GALM: variants seen among roughly 807,000 people sequenced by gnomAD.
GALM encodes the protein galactose mutarotase, also known as aldose 1-epimerase.
Under a neutral mutation model 37.4 loss-of-function variants are expected in GALM, and 43 were observed. That is an observed-to-expected ratio of 1.15 (90% CI 0.90 to 1.48). GALM has a LOEUF of 1.48. Ranked by LOEUF, GALM falls within the 40% of genes most tolerant of loss-of-function variation. The probability of loss-of-function intolerance (pLI) is 0.00; values close to 1 mark genes in which losing one functional copy is unlikely to be tolerated. For missense variants in GALM, 456 were observed against 419.1 expected (o/e 1.09, Z -0.77); for synonymous variants, 199 against 170.6 (o/e 1.17, Z -1.30).
At chr2:38,687,035 C>A (rs1027934359) in intron 3 of GALM, among the ~76,000 whole-genome samples, 2 of 152,184 alleles carry the variant, frequency 1.3e-5, no homozygotes, top group Admixed American at 6.5e-5. Flanking sequence ...TGGAACCCAA[C>A]CTTCACACCC....
intron 4 of GALM, among the ~76,000 whole-genome samples, chr2:38,700,258 G>A (rs1183634690): frequency 1.3e-5 from 2 of 152,114 alleles, no homozygotes; most frequent in Non-Finnish European, 2.9e-5. Flanking sequence ...AGCCTAAAGT[G>A]CAGTTTAAAT....
rs1219516280 is a variant in GALM at position 38,706,511 on chromosome 2, CAAA to C, written c.634+16634_634+16636del. Among the ~76,000 whole-genome samples the C allele has an allele frequency of 2.4e-3, 162 of 68,520 alleles. 1 individual carries two copies. Among genetic ancestry groups the C allele is most frequent in the Middle Eastern group, 9.1e-3 (1 of 110 alleles). 45.0% of individuals were successfully genotyped at this position (68,520 alleles called of 152,430 possible). A position where few individuals can be genotyped will look rare whatever the true frequency, so the allele number is the denominator to read the frequency against. ...GCAACATATCGAGACCCCATCTCTA[CAAA>C]AAAAAAAAAAAAAAAATTAGCCAGG... On this transcript the variant is annotated intron_variant, in intron 4 of 6. Coordinates refer to ENST00000272252, the MANE Select transcript of GALM (RefSeq NM_138801.3).
chr2:38,693,893 A>C (rs976829285), intron 4 of GALM, among the ~76,000 whole-genome samples: 1 of 152,228 alleles, frequency 6.6e-6, no homozygotes, highest in Non-Finnish European at 1.5e-5. Flanking sequence ...GTTAGATGTC[A>C]AGAAGGTTTG....
intron 1 of GALM, 120 bp downstream of exon 1, chr2:38,666,471 C>G: frequency 1.4e-6 from 1 of 726,276 alleles, no homozygotes; most frequent in Non-Finnish European, 2.2e-6. Context: ...AGCTTGGGAC[C>G]GTCTGACTTG....
chr2:38,731,860 A>G lies in GALM; in HGVS notation c.902A>G (p.His301Arg). Residue 301 changes from histidine (H) to arginine (R), a missense_variant, in exon 6 of 7, where the codon CAC (histidine) becomes CGC (arginine). Physicochemically the swap from His to Arg is conservative, Grantham distance 29. Transcript: ENST00000272252. ...AAGAATGGAGCTGTCTATCCCAAGCACTCCGGTTTCTGCCTGGAGACTCAG... is the reference window on the plus strand; with the variant it reads ...AAGAATGGAGCTGTCTATCCCAAGCGCTCCGGTTTCTGCCTGGAGACTCAG... Reference protein sequence around the residue: ...KGKNGAVYPKHSGFCLETQNW... With the variant: ...KGKNGAVYPKRSGFCLETQNW... The G allele has an allele frequency of 6.2e-7, 1 of 1,613,932 alleles. No individual in the cohort carries two copies. Among genetic ancestry groups the G allele is most frequent in the Non-Finnish European group, 8.5e-7 (1 of 1,179,982 alleles).
At chr2:38,717,571 T>TA (rs1666294902) in intron 4 of GALM, among the ~76,000 whole-genome samples, 4 of 151,930 alleles carry the variant, frequency 2.6e-5, no homozygotes, top group Admixed American at 6.6e-5. Flanking sequence ...GCTAATTTTT[T>TA]GTATTTTTAG....
intron 1 of GALM, among the ~76,000 whole-genome samples, chr2:38,669,699 C>A (rs1482829001): frequency 2.0e-5 from 3 of 151,920 alleles, no homozygotes; most frequent in African/African-American, 4.8e-5. Context: ...CATGGTGAAA[C>A]CCATCTCTAC....
intron 1 of GALM, among the ~76,000 whole-genome samples, chr2:38,674,402 A>G (rs1572510542): frequency 6.6e-6 from 1 of 151,998 alleles, no homozygotes; most frequent in South Asian, 2.1e-4. Flanking sequence ...GTTGGCCAGG[A>G]TGGTCTCAAT....
chr2:38,719,643 C>T (rs1343370140), intron 4 of GALM, among the ~76,000 whole-genome samples: 4 of 150,992 alleles, frequency 2.6e-5, no homozygotes, highest in African/African-American at 7.3e-5. Context: ...GGTGTGGTGG[C>T]GGGCACCTAT....
chr2:38,708,808 GGGT>G (rs1666095369), intron 4 of GALM, among the ~76,000 whole-genome samples: 1 of 152,044 alleles, frequency 6.6e-6, no homozygotes, highest in Admixed American at 6.6e-5. Flanking sequence ...CAGGGAAGTG[GGGT>G]CAAATAACAG....
rs779993943 is a variant in GALM, at chr2:38,681,486, G to T, written c.552G>T (p.Gln184His). The change falls in exon 3 of 7, where the codon CAG (glutamine) becomes CAT (histidine). Residue 184 changes from glutamine to histidine, a missense_variant and splice_region_variant. Gln to His is a conservative substitution (Grantham distance 24). Coordinates refer to ENST00000272252, the MANE Select transcript of GALM (RefSeq NM_138801.3). ...ATTCTTACTTCAACCTGGCAGGCCAGGTAAGTGAACTTGTTTCTTCTTTCC... is the reference window on the plus strand; with the variant it reads ...ATTCTTACTTCAACCTGGCAGGCCATGTAAGTGAACTTGTTTCTTCTTTCC... ...TNHSYFNLAG[Q>H]ASPNINDHEV... 8 of 1,612,958 alleles carry T rather than the reference G, an allele frequency of 5.0e-6. No individual in the cohort carries two copies. Among genetic ancestry groups the T allele is most frequent in the African/African-American group, 1.3e-5 (1 of 74,896 alleles).
chr2:38,731,981 C>G lies in GALM; in HGVS notation c.951+72C>G. Reference sequence around the variant, plus strand: ...ACACTGTACGACAGAGTTCACTACACTCGAATCAGCTTGTATGATTCAAAA... The same window carrying G: ...ACACTGTACGACAGAGTTCACTACAGTCGAATCAGCTTGTATGATTCAAAA... On this transcript the variant is annotated intron_variant, in intron 6 of 6. Coordinates refer to ENST00000272252, the MANE Select transcript of GALM (RefSeq NM_138801.3). 5.0e-6 allele frequency: 6 copies of G among 1,192,176 alleles called. 1 individual carries two copies. In the South Asian group the frequency reaches 5.3e-5, roughly 11 times the overall value. 73.8% of individuals were successfully genotyped at this position (1,192,176 alleles called of 1,614,324 possible). A position where few individuals can be genotyped will look rare whatever the true frequency, so the allele number is the denominator to read the frequency against.
intron 4 of GALM, among the ~76,000 whole-genome samples, chr2:38,700,966 C>G (rs1216726815): frequency 6.6e-6 from 1 of 152,104 alleles, no homozygotes; most frequent in Non-Finnish European, 1.5e-5. Context: ...GTGGGACTCC[C>G]TTGAGCATTT....
rs184949162 is a variant in GALM at position 38,688,623 on chromosome 2, C to T, written c.553-1190C>T. 2.6e-5 allele frequency among the ~76,000 whole-genome samples: 4 copies of T among 152,264 alleles called. No individual in the cohort carries two copies. The East Asian group carries it at 7.7e-4, about 29-fold the overall frequency. ...AGCATTCACTGAGCAAAAGCCCTCACTTGGTTTCCCTTCCACATCTTCTGG... is the reference window on the plus strand; with the variant it reads ...AGCATTCACTGAGCAAAAGCCCTCATTTGGTTTCCCTTCCACATCTTCTGG... On this transcript the variant is annotated intron_variant, in intron 3 of 6. Coordinates refer to ENST00000272252, the MANE Select transcript of GALM (RefSeq NM_138801.3).
intron 4 of GALM, among the ~76,000 whole-genome samples, chr2:38,694,191 A>G (rs1226231427): frequency 6.6e-6 from 1 of 152,076 alleles, no homozygotes; most frequent in Admixed American, 6.6e-5. Flanking sequence ...AAAAAAAAAG[A>G]AGAAGATTTG....
chr2:38,726,216 ATTTTTTT>A (rs375560759), intron 4 of GALM, among the ~76,000 whole-genome samples: 4 of 128,856 alleles, frequency 3.1e-5, no homozygotes, highest in Non-Finnish European at 6.5e-5. Context: ...AAGTGCCTTT[ATTTTTTT>A]TTTTTTATTT....
intron 4 of GALM, among the ~76,000 whole-genome samples, chr2:38,693,760 A>G (rs534611223): frequency 6.6e-6 from 1 of 152,340 alleles, no homozygotes; most frequent in Admixed American, 6.5e-5. Flanking sequence ...ACAAGGAGTT[A>G]AAGTACCTTA....
At chr2:38,697,953 T>TC (rs2148440937) in intron 4 of GALM, among the ~76,000 whole-genome samples, 1 of 151,820 alleles carries the variant, frequency 6.6e-6, no homozygotes, top group South Asian at 2.1e-4. Context: ...TTTTGGGGTT[T>TC]TTTTTTTTTA....
intron 4 of GALM, among the ~76,000 whole-genome samples, chr2:38,694,917 A>G (rs1035034676): frequency 5.9e-5 from 9 of 151,412 alleles, no homozygotes; most frequent in African/African-American, 2.2e-4. Context: ...AAAAAACAAA[A>G]AAAGAAAGGG....
Sources: gnomAD v4.1 joint callset for allele counts (sites outside exome capture counted in the v4.1 genomes callset) on GRCh38, gnomAD v4.1.1 for gene constraint, MANE v1.5 for transcripts, NCBI Gene and HGNC (gene_info 2026-07-23, HGNC 2026-07-21) for gene names.